ABCC1: variants seen among roughly 807,000 people sequenced by gnomAD.
The protein encoded by ABCC1 is multidrug resistance-associated protein 1.
ABCC1 carries 83 observed loss-of-function variants against 172.9 expected under a neutral mutation model. The observed-to-expected ratio is 0.48, with a 90% CI of 0.40 to 0.58. ABCC1 has a LOEUF of 0.58. ABCC1 is among the 20% of genes least tolerant of loss of function. The probability of loss-of-function intolerance (pLI) is 0.00; values close to 1 mark genes in which losing one functional copy is unlikely to be tolerated. For synonymous variants in ABCC1, 937 were observed against 825.2 expected (o/e 1.14, Z -2.32); for missense variants, 1,817 against 2,002.7 (o/e 0.91, Z 1.77).
chr16:16,134,551 A>T, intron 28 of ABCC1, 43 bp downstream of exon 28: 22 of 1,609,406 alleles, frequency 1.4e-5, no homozygotes, highest in Non-Finnish European at 1.9e-5. Context: ...AGAGCTGGCA[A>T]GCCCTATGAT....
rs2047608424 is a variant in ABCC1 at position 16,007,889 on chromosome 16, T to C, written c.122T>C (p.Val41Ala). ...TTTCAGAACACGGTCCTCGTGTGGG[T>C]GCCTTGTTTTTACCTCTGGGCCTGT... ...KCFQNTVLVW[V>A]PCFYLWACFP... Residue 41 changes from valine (V) to alanine (A), a missense_variant, in exon 2 of 31, where the codon GTG becomes GCG. Val to Ala is a moderately conservative substitution (Grantham distance 64, BLOSUM62 0). Transcript: ENST00000399410. 1 of 1,613,560 alleles carries C rather than the reference T, an allele frequency of 6.2e-7. No individual in the cohort carries two copies. The highest frequency in any genetic ancestry group is 8.5e-7 in the Non-Finnish European group (1 of 1,179,918).
rs569529513 is a variant in ABCC1, at chr16:16,032,972, G to A, written c.616-137G>A. 4 of 758,012 alleles carry A rather than the reference G, an allele frequency of 5.3e-6. No homozygotes were observed. The East Asian group carries it at 1.0e-4, about 20-fold the overall frequency. 47.0% of individuals were successfully genotyped at this position (758,012 alleles called of 1,614,324 possible). A position where few individuals can be genotyped will look rare whatever the true frequency, so the allele number is the denominator to read the frequency against. ...TATTAGGAGAGGGTCCTTTTGGGGTGCAGAATGGTGTGGAGCTGACGCTAG... is the reference window on the plus strand; with the variant it reads ...TATTAGGAGAGGGTCCTTTTGGGGTACAGAATGGTGTGGAGCTGACGCTAG... On this transcript the variant is annotated intron_variant, in intron 5 of 30. Coordinates refer to ENST00000399410, the MANE Select transcript of ABCC1 (RefSeq NM_004996.4).
Position 16,138,475 on chromosome 16 carries a change from C to G in ABCC1, c.4404C>G (p.Ile1468Met). ...AAVDLETDDL[I>M]QSTIRTQFED... ...TGGACCTGGAAACGGACGACCTCAT[C>G]CAGTCCACCATCCGGACACAGTTCG... The change falls in exon 30 of 31, where the codon ATC (isoleucine) becomes ATG (methionine). Residue 1468 changes from isoleucine (I) to methionine (M), a missense_variant. By Grantham distance (10) the Ile-to-Met change is conservative (BLOSUM62 1). Transcript: ENST00000399410. The G allele has an allele frequency of 6.2e-7, 1 of 1,613,466 alleles. No individual in the cohort carries two copies. The highest frequency in any genetic ancestry group is 8.5e-7 in the Non-Finnish European group (1 of 1,179,552).
At chr16:15,959,804 A>G (rs1232705290) in intron 1 of ABCC1, among the ~76,000 whole-genome samples, 2 of 152,134 alleles carry the variant, frequency 1.3e-5, no homozygotes, top group Non-Finnish European at 2.9e-5. Context: ...ATGACCAGGG[A>G]GGGTGCCCCT....
intron 19 of ABCC1, among the ~76,000 whole-genome samples, chr16:16,099,352 G>A (rs933681496): frequency 2.0e-5 from 3 of 152,236 alleles, no homozygotes; most frequent in African/African-American, 7.2e-5. Flanking sequence ...TGCAGCAGGT[G>A]GTGGTGGGGA....
intron 24 of ABCC1, among the ~76,000 whole-genome samples, chr16:16,123,751 C>T (rs529490151): frequency 6.6e-6 from 1 of 152,178 alleles, no homozygotes; most frequent in East Asian, 1.9e-4. Flanking sequence ...TTGGTTGACA[C>T]CTGTAATCTC....
intron 10 of ABCC1, among the ~76,000 whole-genome samples, chr16:16,049,575 C>G (rs916145530): frequency 2.6e-5 from 4 of 152,226 alleles, no homozygotes; most frequent in African/African-American, 9.6e-5. Flanking sequence ...ACACTACTTC[C>G]ATTGATTTAC....
chr16:16,060,880 G>T (rs1418225786), intron 12 of ABCC1, among the ~76,000 whole-genome samples: 1 of 150,464 alleles, frequency 6.6e-6, no homozygotes, highest in Non-Finnish European at 1.5e-5. Context: ...GCATTGGCAC[G>T]ATCTCAGCTC....
intron 7 of ABCC1, 21 bp downstream of exon 7, chr16:16,036,624 C>T (rs1169494726): frequency 2.5e-6 from 4 of 1,611,294 alleles, no homozygotes; most frequent in South Asian, 1.1e-5. Context: ...GTTTCCTTGT[C>T]CTCCAGGATG....
intron 12 of ABCC1, among the ~76,000 whole-genome samples, chr16:16,057,739 C>T (rs2049728692): frequency 6.6e-6 from 1 of 151,984 alleles, no homozygotes; most frequent in African/African-American, 2.4e-5. Context: ...AATATATAGT[C>T]TTGGTTCGTT....
chr16:15,968,803 G>T (rs2046303722), intron 1 of ABCC1, among the ~76,000 whole-genome samples: 1 of 152,136 alleles, frequency 6.6e-6, no homozygotes, highest in African/African-American at 2.4e-5. Flanking sequence ...GCCCACTGCA[G>T]CCATGACCTC....
At chr16:16,102,585 CTCA>C (rs780035512) in intron 19 of ABCC1, 39 bp from the exon 20 acceptor site, 2 of 1,543,104 alleles carry the variant, frequency 1.3e-6, no homozygotes, top group East Asian at 4.9e-5. Flanking sequence ...TAGCATCTGC[CTCA>C]TATAACCCCA....
intron 1 of ABCC1, among the ~76,000 whole-genome samples, chr16:15,990,473 C>T (rs1397237945): frequency 3.3e-5 from 5 of 152,196 alleles, no homozygotes; most frequent in African/African-American, 1.2e-4. Flanking sequence ...CAACACCTCC[C>T]TGTTTCCCCC....
intron 12 of ABCC1, among the ~76,000 whole-genome samples, chr16:16,063,061 A>G (rs1246297140): frequency 3.3e-5 from 5 of 152,130 alleles, no homozygotes; most frequent in African/African-American, 1.2e-4. Flanking sequence ...CCTAGGGCCC[A>G]TGGAGACACT....
At chr16:15,980,130 C>G (rs2046587300) in intron 1 of ABCC1, among the ~76,000 whole-genome samples, 1 of 152,118 alleles carries the variant, frequency 6.6e-6, no homozygotes, top group Non-Finnish European at 1.5e-5. Flanking sequence ...CAGGGGTTGG[C>G]ATGCTTTTTC....
intron 2 of ABCC1, among the ~76,000 whole-genome samples, chr16:16,009,470 G>C (rs2047685521): frequency 6.6e-6 from 1 of 152,164 alleles, no homozygotes. Flanking sequence ...TGCAGCTAGA[G>C]ATGAGCTGTG....
At chr16:16,106,894 G>T in intron 21 of ABCC1, 21 bp downstream of exon 21, 1 of 1,613,768 alleles carries the variant, frequency 6.2e-7, no homozygotes. Context: ...CTCCTTAAGT[G>T]ATGACAGTGG....
chr16:15,983,147 A>G (rs969534205), intron 1 of ABCC1, among the ~76,000 whole-genome samples: 8 of 152,076 alleles, frequency 5.3e-5, no homozygotes, highest in Non-Finnish European at 7.4e-5. Flanking sequence ...GGGTGGGGAG[A>G]TAGGTGGGCC....
chr16:15,989,822 A>G (rs544108048), intron 1 of ABCC1, among the ~76,000 whole-genome samples: 1 of 151,954 alleles, frequency 6.6e-6, no homozygotes, highest in East Asian at 1.9e-4. Flanking sequence ...TGTACATGAA[A>G]CCTGAACGCA....
Sources: allele counts gnomAD v4.1 joint callset (sites outside exome capture counted in the v4.1 genomes callset), GRCh38; gene constraint gnomAD v4.1.1; transcripts MANE v1.5; gene names NCBI Gene and HGNC (gene_info 2026-07-23, HGNC 2026-07-21).